The following ARHGAP6 variants were observed in gnomAD, a reference collection of about 807,000 sequenced individuals.
ARHGAP6 encodes the protein Rho GTPase activating protein 6.
In ARHGAP6, 16 loss-of-function variants were observed where a neutral mutation model predicts 55.7. That is an observed-to-expected ratio of 0.29 (90% confidence interval 0.19 to 0.44). The LOEUF is 0.44. Ranked by LOEUF, ARHGAP6 falls within the 20% of genes least tolerant of loss-of-function variation. The pLI, the probability that ARHGAP6 is intolerant of heterozygous loss-of-function variation, is 1.00. For synonymous variants in ARHGAP6, 382 were observed against 360.9 expected, an observed-to-expected ratio of 1.06 and a Z score of -0.66; for missense variants, 698 against 808.9, an observed-to-expected ratio of 0.86 and a Z score of 1.66.
intron 1 of ARHGAP6, among the ~76,000 whole-genome samples, chrX:11,369,645 G>T: frequency 9.0e-6 from 1 of 111,722 alleles, no homozygotes; most frequent in Middle Eastern, 4.7e-3. Flanking sequence ...AAGATTAAAT[G>T]AAATAATAAA....
intron 1 of ARHGAP6, among the ~76,000 whole-genome samples, chrX:11,444,111 C>T (rs2050068948): frequency 8.9e-6 from 1 of 111,772 alleles, no homozygotes; most frequent in Non-Finnish European, 1.9e-5. Flanking sequence ...GCAACATTTC[C>T]CTATAAAGGG....
intron 1 of ARHGAP6, among the ~76,000 whole-genome samples, chrX:11,525,658 A>T (rs1449769270): frequency 2.7e-5 from 3 of 111,901 alleles, no homozygotes; most frequent in African/African-American, 9.8e-5. Context: ...AATTAATCTA[A>T]TTTATATTTT....
At chrX:11,311,669 G>A (rs770491753) in intron 1 of ARHGAP6, among the ~76,000 whole-genome samples, 1 of 111,439 alleles carries the variant, frequency 9.0e-6, no homozygotes, top group Admixed American at 9.6e-5. Flanking sequence ...AAAGTGTGGA[G>A]GAGAAGGCTT....
intron 1 of ARHGAP6, among the ~76,000 whole-genome samples, chrX:11,583,902 G>A (rs2051694031): frequency 8.9e-6 from 1 of 112,063 alleles, no homozygotes; most frequent in South Asian, 3.7e-4. Context: ...TCTTGCTTAA[G>A]TTAAAAAGTG....
chrX:11,353,561 T>A (rs1427036813), intron 1 of ARHGAP6, among the ~76,000 whole-genome samples: 1 of 96,611 alleles, frequency 1.0e-5, no homozygotes, highest in African/African-American at 3.8e-5. Flanking sequence ...TGTGTGTGTG[T>A]GTGTGTGTGT....
At chrX:11,241,541 T>C (rs1477576035) in intron 2 of ARHGAP6, among the ~76,000 whole-genome samples, 2 of 92,030 alleles carry the variant, frequency 2.2e-5, no homozygotes, top group African/African-American at 1.0e-4. Flanking sequence ...CGTGTGTGTG[T>C]GTGTGTGTGT....
chrX:11,263,605 C>G (rs938454668), intron 1 of ARHGAP6, among the ~76,000 whole-genome samples: 5 of 111,216 alleles, frequency 4.5e-5, no homozygotes, highest in African/African-American at 1.6e-4. Flanking sequence ...ACCAGGACAG[C>G]CTTACAGAGA....
At chrX:11,218,971 T>G (rs1466927747) in intron 2 of ARHGAP6, among the ~76,000 whole-genome samples, 1 of 107,841 alleles carries the variant, frequency 9.3e-6, no homozygotes, top group Non-Finnish European at 1.9e-5. Flanking sequence ...TGTGCCATGC[T>G]GGTGCGCTGC....
At chrX:11,318,413 A>G (rs1347230860) in intron 1 of ARHGAP6, among the ~76,000 whole-genome samples, 1 of 112,256 alleles carries the variant, frequency 8.9e-6, no homozygotes, top group Non-Finnish European at 1.9e-5. Flanking sequence ...AAAATCATCC[A>G]TAATCCAACA....
intron 1 of ARHGAP6, among the ~76,000 whole-genome samples, chrX:11,603,676 C>A (rs1163483163): frequency 9.0e-6 from 1 of 111,657 alleles, no homozygotes; most frequent in Non-Finnish European, 1.9e-5. Context: ...TGTTAGAATA[C>A]AATTTATCAA....
chrX:11,360,430 G>A (rs868362414), intron 1 of ARHGAP6, among the ~76,000 whole-genome samples: 2 of 109,507 alleles, frequency 1.8e-5, no homozygotes, highest in African/African-American at 6.7e-5. Context: ...AATAGATGCA[G>A]AAAAGGCCTT....
intron 1 of ARHGAP6, chrX:11,298,706 GC>G: frequency 8.3e-7 from 1 of 1,210,516 alleles, no homozygotes; most frequent in Non-Finnish European, 1.1e-6. Context: ...AACCAATGAT[GC>G]CCGTTCCTGG....
chrX:11,420,817 C>T (rs2049814730), intron 1 of ARHGAP6, among the ~76,000 whole-genome samples: 1 of 111,802 alleles, frequency 8.9e-6, no homozygotes, highest in Non-Finnish European at 1.9e-5. Context: ...CTGAGCACTC[C>T]ACACATCCTC....
At chrX:11,143,438 T>C in intron 11 of ARHGAP6, 1 of 459,066 alleles carries the variant, frequency 2.2e-6, no homozygotes, top group Non-Finnish European at 2.7e-6. Flanking sequence ...AATGGGACTC[T>C]GGGAAGCTCA....
intron 1 of ARHGAP6, among the ~76,000 whole-genome samples, chrX:11,356,743 T>C (rs7060586): frequency 3.5e-4 from 39 of 111,943 alleles, no homozygotes; most frequent in African/African-American, 1.2e-3. Flanking sequence ...TAACATATTT[T>C]GATATAATAT....
At chrX:11,504,865 T>C (rs2050716477) in intron 1 of ARHGAP6, among the ~76,000 whole-genome samples, 1 of 112,500 alleles carries the variant, frequency 8.9e-6, no homozygotes, top group African/African-American at 3.2e-5. Flanking sequence ...TTGGAGAAGT[T>C]TTAATGGGAA....
intron 1 of ARHGAP6, among the ~76,000 whole-genome samples, chrX:11,351,988 C>G (rs570967129): frequency 5.3e-5 from 6 of 112,368 alleles, no homozygotes; most frequent in South Asian, 3.7e-4. Context: ...TAAGGCAAGT[C>G]CAACACTCAG....
At chrX:11,196,888 T>C in intron 3 of ARHGAP6, 37 bp downstream of exon 3, 2 of 737,616 alleles carry the variant, frequency 2.7e-6, no homozygotes, top group East Asian at 3.2e-5. Context: ...TTATGCTCCA[T>C]GGAAGATGCA....
intron 1 of ARHGAP6, among the ~76,000 whole-genome samples, chrX:11,358,420 G>A (rs1331143964): frequency 2.0e-5 from 2 of 100,044 alleles, no homozygotes; most frequent in African/African-American, 3.7e-5. Flanking sequence ...GTAGTTCTAC[G>A]TTTTAACTGT....
Sources: allele counts gnomAD v4.1 joint callset (sites outside exome capture counted in the v4.1 genomes callset), GRCh38; gene constraint gnomAD v4.1.1; transcripts MANE v1.5; gene names NCBI Gene and HGNC (gene_info 2026-07-23, HGNC 2026-07-21).